Variants in DTWD2 observed in about 807,000 individuals in gnomAD.
DTWD2 encodes tRNA-uridine aminocarboxypropyltransferase 2.
Under a neutral mutation model 31.8 loss-of-function variants are expected in DTWD2, and 39 were observed. That is an observed-to-expected ratio of 1.22 (90% CI 0.95 to 1.60). The LOEUF (loss-of-function observed/expected upper bound fraction) is 1.60. DTWD2 is among the 40% of genes most tolerant of loss of function. The pLI, the probability that DTWD2 is intolerant of heterozygous loss-of-function variation, is 0.00. For missense variants in DTWD2, 515 were observed against 381.5 expected (o/e 1.35, Z -2.92); for synonymous variants, 180 against 142.8 (o/e 1.26, Z -1.86).
At chr5:118,941,207 A>C (rs897881886) in intron 2 of DTWD2, among the ~76,000 whole-genome samples, 2 of 152,078 alleles carry the variant, frequency 1.3e-5, no homozygotes, top group Admixed American at 1.3e-4. Flanking sequence ...TGTAAGTTCT[A>C]GGGTACATGT....
intron 5 of DTWD2, among the ~76,000 whole-genome samples, chr5:118,844,032 T>G (rs1322449598): frequency 6.6e-6 from 1 of 152,248 alleles, no homozygotes; most frequent in Non-Finnish European, 1.5e-5. Context: ...ATTATCTAGA[T>G]AGTTCCTCCA....
intron 1 of DTWD2, among the ~76,000 whole-genome samples, chr5:118,969,224 A>T (rs1484825202): frequency 6.6e-6 from 1 of 151,920 alleles, no homozygotes; most frequent in Non-Finnish European, 1.5e-5. Context: ...CTGTATTTGC[A>T]GTTCAGCCAA....
rs573393685 is a variant in DTWD2, at chr5:118,954,980, T to C, written c.219-10331A>G. Among the ~76,000 whole-genome samples the C allele has an allele frequency of 3.3e-5, 5 of 152,322 alleles. No homozygotes were observed. In the East Asian group the frequency reaches 7.7e-4, roughly 23 times the overall value. On this transcript the variant is annotated intron_variant, in intron 1 of 5. Transcript: ENST00000510708. Reference sequence around the variant, plus strand: ...TTAAGTAATTCATTTGTATTACAAATGAAATTCAGAGTGTCAGGTCTTCCT... The same window carrying C: ...TTAAGTAATTCATTTGTATTACAAACGAAATTCAGAGTGTCAGGTCTTCCT...
intron 1 of DTWD2, among the ~76,000 whole-genome samples, chr5:118,985,806 G>C (rs1172366374): frequency 6.6e-6 from 1 of 151,984 alleles, no homozygotes; most frequent in Non-Finnish European, 1.5e-5. Flanking sequence ...CTTTTACTTT[G>C]AAAAGTTCAG....
At chr5:118,849,161 A>G (rs535298440) in intron 4 of DTWD2, among the ~76,000 whole-genome samples, 6 of 152,330 alleles carry the variant, frequency 3.9e-5, no homozygotes, top group African/African-American at 1.4e-4. Flanking sequence ...TCTACAAGGA[A>G]CTTACACAAA....
At chr5:118,944,159 A>C (rs1754273918) in intron 2 of DTWD2, among the ~76,000 whole-genome samples, 1 of 152,216 alleles carries the variant, frequency 6.6e-6, no homozygotes, top group African/African-American at 2.4e-5. Flanking sequence ...TTATACATTC[A>C]CTTTGTAAGA....
chr5:118,905,918 T>C (rs985538151), intron 4 of DTWD2, among the ~76,000 whole-genome samples: 1 of 152,138 alleles, frequency 6.6e-6, no homozygotes, highest in African/African-American at 2.4e-5. Flanking sequence ...AGAGACTGCT[T>C]AGAGGATAAG....
At chr5:118,938,346 G>A (rs2149583562) in intron 3 of DTWD2, among the ~76,000 whole-genome samples, 1 of 152,230 alleles carries the variant, frequency 6.6e-6, no homozygotes, top group South Asian at 2.1e-4. Context: ...AATTTAGAAA[G>A]TTACTGGATA....
chr5:118,913,251 T>C (rs1361158143), intron 4 of DTWD2, among the ~76,000 whole-genome samples: 1 of 151,856 alleles, frequency 6.6e-6, no homozygotes, highest in African/African-American at 2.4e-5. Flanking sequence ...GTGAAAGTAC[T>C]CCAACCTGGA....
intron 4 of DTWD2, among the ~76,000 whole-genome samples, chr5:118,902,281 C>A (rs777284616): frequency 6.6e-6 from 1 of 151,902 alleles, no homozygotes; most frequent in Non-Finnish European, 1.5e-5. Flanking sequence ...GTACCTGAAA[C>A]ATAGTAGAAA....
At chr5:118,963,803 G>A (rs1270080964) in intron 1 of DTWD2, among the ~76,000 whole-genome samples, 1 of 152,126 alleles carries the variant, frequency 6.6e-6, no homozygotes, top group East Asian at 1.9e-4. Flanking sequence ...CACTATTCAT[G>A]TTATATTACA....
At chr5:118,898,335 A>G (rs1458036483) in intron 4 of DTWD2, among the ~76,000 whole-genome samples, 2 of 152,158 alleles carry the variant, frequency 1.3e-5, no homozygotes, top group South Asian at 2.1e-4. Context: ...CAACATTACA[A>G]TGAATCCCTG....
rs1266998442 is a variant in DTWD2 at position 118,842,952 on chromosome 5, TC to T, written c.727-1866del. Among the ~76,000 whole-genome samples the T allele has an allele frequency of 8.5e-5, 11 of 129,108 alleles. No homozygotes were observed. In the East Asian group the frequency reaches 1.4e-3, roughly 16 times the overall value. The allele number at this position is 129,108 out of a possible 152,430, so 84.7% of individuals were successfully genotyped here. A position where few individuals can be genotyped will look rare whatever the true frequency, so the allele number is the denominator to read the frequency against. ...ACAGAATGAGAAACTTTCTTCTTCC[TC>T]TTTTTTTTTTTTTTTTTTTTTGAGA... is the stretch of plus-strand genomic sequence containing the variant. On this transcript the variant is annotated intron_variant, in intron 5 of 5. Coordinates refer to ENST00000510708, the MANE Select transcript of DTWD2 (RefSeq NM_173666.4).
intron 4 of DTWD2, among the ~76,000 whole-genome samples, chr5:118,908,001 T>C (rs1327698035): frequency 6.6e-6 from 1 of 152,214 alleles, no homozygotes; most frequent in Non-Finnish European, 1.5e-5. Context: ...CTCACTCAAG[T>C]GGACACATAA....
chr5:118,904,382 T>C (rs1051235728), intron 4 of DTWD2, among the ~76,000 whole-genome samples: 1 of 152,120 alleles, frequency 6.6e-6, no homozygotes, highest in Non-Finnish European at 1.5e-5. Flanking sequence ...TGGACTGACA[T>C]AGAAAAATTT....
chr5:118,944,053 G>A (rs1040480615), intron 2 of DTWD2, among the ~76,000 whole-genome samples: 90 of 152,214 alleles, frequency 5.9e-4, no homozygotes, highest in African/African-American at 2.1e-3. Context: ...TATTTTACCT[G>A]CACAAGAAAG....
chr5:118,925,501 T>G (rs577521320), intron 4 of DTWD2, among the ~76,000 whole-genome samples: 10 of 152,254 alleles, frequency 6.6e-5, no homozygotes, highest in Non-Finnish European at 1.2e-4. Context: ...ATGAAAAGTG[T>G]TAAAACACTT....
At chr5:118,866,346 C>G (rs1160596948) in intron 4 of DTWD2, among the ~76,000 whole-genome samples, 2 of 152,114 alleles carry the variant, frequency 1.3e-5, no homozygotes, top group African/African-American at 4.8e-5. Flanking sequence ...TTTCTACAGA[C>G]AGCATACTAG....
chr5:118,922,091 A>G (rs1753717197), intron 4 of DTWD2, among the ~76,000 whole-genome samples: 1 of 152,238 alleles, frequency 6.6e-6, no homozygotes, highest in African/African-American at 2.4e-5. Flanking sequence ...AAACATTTCC[A>G]TATTCACCTT....
Sources: gnomAD v4.1 joint callset for allele counts (sites outside exome capture counted in the v4.1 genomes callset) on GRCh38, gnomAD v4.1.1 for gene constraint, MANE v1.5 for transcripts, NCBI Gene and HGNC (gene_info 2026-07-23, HGNC 2026-07-21) for gene names.